The following DPYSL5 variants were observed in gnomAD, a reference collection of about 807,000 sequenced individuals.
DPYSL5 encodes dihydropyrimidinase like 5, also known as dihydropyrimidinase-related protein 5.
A neutral mutation model predicts 58.4 loss-of-function variants in DPYSL5; 9 were observed. The observed-to-expected ratio is 0.15, with a 90% CI of 0.09 to 0.27. The LOEUF (loss-of-function observed/expected upper bound fraction) is 0.27. DPYSL5 is among the 10% of genes least tolerant of loss of function. DPYSL5 has a pLI of 1.00. For synonymous variants in DPYSL5, 293 were observed against 301.9 expected (o/e 0.97, Z 0.31); for missense variants, 499 against 770.6 (o/e 0.65, Z 4.17).
intron 2 of DPYSL5, among the ~76,000 whole-genome samples, chr2:26,901,896 C>T (rs898916005): frequency 6.6e-6 from 1 of 151,982 alleles, no homozygotes; most frequent in Non-Finnish European, 1.5e-5. Flanking sequence ...TGTACTTGAC[C>T]TCCAGGGATT....
chr2:26,931,868 C>T (rs1255386214), intron 6 of DPYSL5, among the ~76,000 whole-genome samples, 184 bp downstream of exon 6: 5 of 151,154 alleles, frequency 3.3e-5, no homozygotes, highest in South Asian at 2.1e-4. Flanking sequence ...ATTAGCTGGG[C>T]GTGGTGGCGT....
At chr2:26,928,752 C>CGTGTGTGTGT (rs775375591) in intron 5 of DPYSL5, among the ~76,000 whole-genome samples, 50 of 86,730 alleles carry the variant, frequency 5.8e-4, no homozygotes, top group African/African-American at 1.9e-3. Context: ...CACACACATA[C>CGTGTGTGTGT]GTGTGTGCGT....
Position 26,848,169 on chromosome 2 carries a change from C to G in DPYSL5, c.-90C>G, listed in dbSNP as rs1252650851. ...GAGCGAGCGCGCGTGCAGCCGCCGC[C>G]GCCCCGAGCACCCGCAGCTCCGGCG... On this transcript the variant is annotated 5_prime_UTR_variant, in exon 1 of 13. Coordinates refer to ENST00000288699, the MANE Select transcript of DPYSL5 (RefSeq NM_020134.4). The G allele has an allele frequency of 6.6e-6, 1 of 151,538 alleles. No individual in the cohort carries two copies. Among genetic ancestry groups the G allele is most frequent in the East Asian group, 1.9e-4 (1 of 5,142 alleles). 9.4% of individuals were successfully genotyped at this position (151,538 alleles called of 1,614,324 possible).
intron 1 of DPYSL5, among the ~76,000 whole-genome samples, chr2:26,889,709 C>A (rs549352435): frequency 6.6e-6 from 1 of 151,754 alleles, no homozygotes; most frequent in Non-Finnish European, 1.5e-5. Flanking sequence ...AAAAAAAAGC[C>A]TGTATCACAA....
chr2:26,914,470 G>A (rs1311144885), intron 2 of DPYSL5, among the ~76,000 whole-genome samples: 1 of 152,218 alleles, frequency 6.6e-6, no homozygotes, highest in Admixed American at 6.5e-5. Flanking sequence ...TGGAGCCAGT[G>A]CCCCTTTGTA....
intron 8 of DPYSL5, among the ~76,000 whole-genome samples, chr2:26,935,064 T>A (rs1477240924): frequency 6.6e-6 from 1 of 152,210 alleles, no homozygotes; most frequent in Non-Finnish European, 1.5e-5. Context: ...TATCCTAGAA[T>A]GTAGGGGTCC....
intron 2 of DPYSL5, among the ~76,000 whole-genome samples, chr2:26,909,890 A>T (rs935314279): frequency 6.6e-6 from 1 of 152,312 alleles, no homozygotes; most frequent in Admixed American, 6.5e-5. Flanking sequence ...GGTATAATTA[A>T]TGTTTGATAA....
intron 2 of DPYSL5, among the ~76,000 whole-genome samples, chr2:26,923,203 TG>T: frequency 1.3e-5 from 2 of 152,330 alleles, no homozygotes; most frequent in Non-Finnish European, 2.9e-5. Flanking sequence ...CAGTGGTTCA[TG>T]CCTGCAGTCC....
intron 1 of DPYSL5, among the ~76,000 whole-genome samples, chr2:26,885,865 C>A (rs1663705451): frequency 6.6e-6 from 1 of 152,196 alleles, no homozygotes; most frequent in African/African-American, 2.4e-5. Flanking sequence ...AAACATTTTG[C>A]ACAAAACTCC....
Position 26,947,224 on chromosome 2 carries a change from G to T in DPYSL5, c.*229G>T, listed in dbSNP as rs1558359418. 2.0e-6 allele frequency: 1 copy of T among 497,954 alleles called. No homozygotes were observed. The highest frequency in any genetic ancestry group is 2.5e-5 in the South Asian group (1 of 40,814). 30.8% of individuals were successfully genotyped at this position (497,954 alleles called of 1,614,324 possible). On this transcript the variant is annotated 3_prime_UTR_variant, in exon 13 of 13. Transcript: ENST00000288699. The surrounding 1 kb of genome is among the most constrained non-coding windows in gnomAD (Gnocchi z 4.2). The stretch of plus-strand genomic sequence containing the variant: ...TCCTGCTGTAGTCCTTTCTGCCTTG[G>T]CCTCGGCGGGCTTTTCTGGGGCCCA...
chr2:26,896,473 T>C (rs1383671075), intron 1 of DPYSL5, among the ~76,000 whole-genome samples: 2 of 152,256 alleles, frequency 1.3e-5, no homozygotes, highest in Non-Finnish European at 2.9e-5. Flanking sequence ...CTGTTTTCCA[T>C]AATGGCTATA....
At chr2:26,940,197 G>T (rs746424534) in intron 9 of DPYSL5, 25 bp downstream of exon 9, 29 of 1,611,082 alleles carry the variant, frequency 1.8e-5, no homozygotes, top group South Asian at 1.3e-4. Context: ...GCCCCGCCCC[G>T]ATCTGATCCC....
chr2:26,886,286 C>G (rs938977335), intron 1 of DPYSL5, among the ~76,000 whole-genome samples: 1 of 152,090 alleles, frequency 6.6e-6, no homozygotes, highest in Admixed American at 6.5e-5. Context: ...AACTAGATAC[C>G]TTTGAGAAGT....
At chr2:26,938,679 C>T (rs1189236711) in intron 8 of DPYSL5, 1 of 152,268 alleles carries the variant, frequency 6.6e-6, no homozygotes, top group African/African-American at 2.4e-5. Context: ...AATATGCTTC[C>T]TCACCAGGTC....
In DPYSL5 at chr2:26,944,857, G is replaced by C; in HGVS notation, c.1609+33G>C. 1 of 1,606,608 alleles carries C rather than the reference G, an allele frequency of 6.2e-7. No individual in the cohort carries two copies. Among genetic ancestry groups the C allele is most frequent in the African/African-American group, 1.3e-5 (1 of 74,812 alleles). ...TCAGGGGGCCACGGGAGGAGGATGG[G>C]GGTCTGGGAGAAGTGGCCCACCTAG... is the stretch of plus-strand genomic sequence containing the variant. On this transcript the variant is annotated intron_variant, in intron 12 of 12. Coordinates refer to ENST00000288699, the MANE Select transcript of DPYSL5 (RefSeq NM_020134.4). The surrounding 1 kb of genome is among the most constrained non-coding windows in gnomAD (Gnocchi z 4.4).
Position 26,941,952 on chromosome 2 carries a change from T to C in DPYSL5, c.1092T>C (p.Val364=). 6.2e-7 allele frequency: 1 copy of C among 1,614,126 alleles called. No homozygotes were observed. Among genetic ancestry groups the C allele is most frequent in the Non-Finnish European group, 8.5e-7 (1 of 1,180,044 alleles). Residue 364 remains valine (V), a splice_region_variant and synonymous_variant, in exon 10 of 13, where the codon GTT becomes GTC. Transcript: ENST00000288699. ...RMSVIWERGV[V]GGKMDENRFV... Reference sequence around the variant, plus strand: ...TGACACTTTCTGCAACATTTCAGGTTGGAGGAAAGATGGATGAGAACCGTT... The same window carrying C: ...TGACACTTTCTGCAACATTTCAGGTCGGAGGAAAGATGGATGAGAACCGTT...
intron 1 of DPYSL5, among the ~76,000 whole-genome samples, chr2:26,866,847 T>G (rs1666155785): frequency 6.6e-6 from 1 of 151,526 alleles, no homozygotes; most frequent in South Asian, 2.1e-4. Context: ...TTCTCCTGCC[T>G]CAGCCTCCTC....
At chr2:26,923,827 AT>A (rs1664761213) in intron 2 of DPYSL5, among the ~76,000 whole-genome samples, 1 of 151,848 alleles carries the variant, frequency 6.6e-6, no homozygotes, top group Non-Finnish European at 1.5e-5. Flanking sequence ...CACCCAGCTA[AT>A]TTCTGTATTT....
Position 26,947,044 on chromosome 2 carries a change from G to A in DPYSL5, c.*49G>A, listed in dbSNP as rs200503400. 52 of 1,480,542 alleles carry A rather than the reference G, an allele frequency of 3.5e-5. No homozygotes were observed. Among genetic ancestry groups the A allele is most frequent in the Non-Finnish European group, 4.3e-5 (46 of 1,069,824 alleles). 91.7% of individuals were successfully genotyped at this position (1,480,542 alleles called of 1,614,324 possible). On this transcript the variant is annotated 3_prime_UTR_variant, in exon 13 of 13. Coordinates refer to ENST00000288699, the MANE Select transcript of DPYSL5 (RefSeq NM_020134.4). This position sits in a 1 kb window ranked among gnomAD's most constrained non-coding sequence, Gnocchi z 4.2. ...GAGGACGCACCGCCGCCACCAGCCCGCAACTCTCCAGCCGAAGCTGCAGGG... is the reference window on the plus strand; with the variant it reads ...GAGGACGCACCGCCGCCACCAGCCCACAACTCTCCAGCCGAAGCTGCAGGG...
Sources: gnomAD v4.1 joint callset for allele counts (sites outside exome capture counted in the v4.1 genomes callset) on GRCh38, gnomAD v4.1.1 for gene constraint, Gnocchi (gnomAD v3.1) non-coding constraint, MANE v1.5 for transcripts, NCBI Gene and HGNC (gene_info 2026-07-23, HGNC 2026-07-21) for gene names.